LRRN3: variants seen among roughly 807,000 people sequenced by gnomAD.
The protein encoded by LRRN3 is leucine rich repeat neuronal 3.
Under a neutral mutation model 40.1 loss-of-function variants are expected in LRRN3, and 15 were observed. The observed-to-expected ratio is 0.37, with a 90% CI of 0.25 to 0.58. The LOEUF (loss-of-function observed/expected upper bound fraction) is 0.58. LRRN3 is among the 20% of genes least tolerant of loss of function. The pLI, the probability that LRRN3 is intolerant of heterozygous loss-of-function variation, is 0.72. For missense variants in LRRN3, 746 were observed against 837.7 expected (o/e 0.89, Z 1.35); for synonymous variants, 308 against 297.2 (o/e 1.04, Z -0.37).
chr7:111,123,661 C>T lies in LRRN3; in HGVS notation c.889C>T (p.Leu297=). 5.6e-6 allele frequency: 9 copies of T among 1,613,892 alleles called. No homozygotes were observed. The highest frequency in any genetic ancestry group is 6.8e-6 in the Non-Finnish European group (8 of 1,179,938). ...KELGINNMPE[L]ISIDSLAVDN... is the part of the protein sequence containing the mutation. ...GTTGGGGATAAATAATATGCCTGAG[C>T]TGATTTCCATCGATAGTCTTGCTGT... The change falls in exon 3 of 3, where the codon CTG becomes TTG. Residue 297 remains leucine, a synonymous_variant. Coordinates refer to ENST00000308478, the MANE Select transcript of LRRN3 (RefSeq NM_001099658.2). The surrounding 1 kb of genome is among the most constrained non-coding windows in gnomAD (Gnocchi z 6.4).
chr7:111,114,881 G>A (rs1222603534), intron 2 of LRRN3, among the ~76,000 whole-genome samples: 6 of 152,152 alleles, frequency 3.9e-5, no homozygotes, highest in Non-Finnish European at 2.9e-5. Flanking sequence ...TAAAGGTCAC[G>A]AGGTCTCCTC....
At position 111,124,929 on chromosome 7, in the gene LRRN3, GA is replaced by G; in HGVS notation, c.*32del. ...CACCAAGGAAACCTACTCCAAAAAT[GA>G]ACAAAAAAAAAAAAAGCGAAAGACT... On this transcript the variant is annotated 3_prime_UTR_variant, in exon 3 of 3. Coordinates refer to ENST00000308478, the MANE Select transcript of LRRN3 (RefSeq NM_001099658.2). 1 of 1,008,838 alleles carries G rather than the reference GA, an allele frequency of 9.9e-7. No individual in the cohort carries two copies. The highest frequency in any genetic ancestry group is 1.3e-6 in the Non-Finnish European group (1 of 777,540). 62.5% of individuals were successfully genotyped at this position (1,008,838 alleles called of 1,614,324 possible).
At chr7:111,102,599 A>C (rs1798091245) in intron 2 of LRRN3, among the ~76,000 whole-genome samples, 2 of 151,638 alleles carry the variant, frequency 1.3e-5, no homozygotes, top group African/African-American at 4.8e-5. Context: ...AGTCAAATAA[A>C]AGAGAGAGAG....
rs1241799977 is a variant in LRRN3 at position 111,091,384 on chromosome 7, C to A, written c.-561C>A. On this transcript the variant is annotated 5_prime_UTR_variant, in exon 1 of 3. Transcript: ENST00000308478. Reference sequence around the variant, plus strand: ...TTTTGTACACTTTGTTACACAGACACACAAATGCACCTATTTATACCGGGC... The same window carrying A: ...TTTTGTACACTTTGTTACACAGACAAACAAATGCACCTATTTATACCGGGC... 1 of 152,150 alleles carries A rather than the reference C, an allele frequency of 6.6e-6. No individual in the cohort carries two copies. The highest frequency in any genetic ancestry group is 6.6e-5 in the Admixed American group (1 of 15,266). 9.4% of individuals were successfully genotyped at this position (152,150 alleles called of 1,614,324 possible).
chr7:111,099,037 T>A (rs1797692927), intron 1 of LRRN3, among the ~76,000 whole-genome samples: 1 of 151,734 alleles, frequency 6.6e-6, no homozygotes, highest in Admixed American at 6.6e-5. Flanking sequence ...TGAGTTTTGC[T>A]ATCCACTAGA....
chr7:111,116,234 T>G (rs1203137400), intron 2 of LRRN3, among the ~76,000 whole-genome samples: 2 of 152,192 alleles, frequency 1.3e-5, no homozygotes, highest in Admixed American at 6.5e-5. Flanking sequence ...GATTTGTTTA[T>G]GATCTGCATT....
chr7:111,098,531 C>G (rs997775721), intron 1 of LRRN3, among the ~76,000 whole-genome samples: 1 of 151,694 alleles, frequency 6.6e-6, no homozygotes, highest in Admixed American at 6.6e-5. Flanking sequence ...AGCCCTTATA[C>G]GTTCAAACCA....
chr7:111,103,723 G>A (rs1035242279), intron 2 of LRRN3, among the ~76,000 whole-genome samples: 1 of 151,660 alleles, frequency 6.6e-6, no homozygotes, highest in Non-Finnish European at 1.5e-5. Flanking sequence ...CTCTGTATGT[G>A]TCGGGTGCAG....
chr7:111,124,488 A>T lies in LRRN3; in HGVS notation c.1716A>T (p.Pro572=). The T allele has an allele frequency of 2.5e-6, 4 of 1,613,996 alleles. No individual in the cohort carries two copies. Among genetic ancestry groups the T allele is most frequent in the Non-Finnish European group, 3.4e-6 (4 of 1,179,984 alleles). ...ATGCTGCGCAAAGTGCTCGAATACC[A>T]TCTGATGTCAAGGTATATAATCTTA... ...NSHAAQSARI[P]SDVKVYNLTH... is the part of the protein sequence containing the mutation. Residue 572 remains proline (P), a synonymous_variant, in exon 3 of 3, where the codon CCA becomes CCT. Coordinates refer to ENST00000308478, the MANE Select transcript of LRRN3 (RefSeq NM_001099658.2).
At chr7:111,118,986 A>G (rs1800243346) in intron 2 of LRRN3, among the ~76,000 whole-genome samples, 1 of 152,188 alleles carries the variant, frequency 6.6e-6, no homozygotes, top group African/African-American at 2.4e-5. Context: ...AAACACAAAT[A>G]TAAATTTTAA....
intron 2 of LRRN3, among the ~76,000 whole-genome samples, chr7:111,120,918 A>G (rs1053831030): frequency 6.6e-6 from 1 of 151,076 alleles, no homozygotes; most frequent in South Asian, 2.1e-4. Context: ...TTGGCCTTTT[A>G]TGTTGCCTCT....
intron 1 of LRRN3, among the ~76,000 whole-genome samples, chr7:111,098,920 C>G (rs978615923): frequency 1.3e-5 from 2 of 151,738 alleles, no homozygotes; most frequent in Admixed American, 6.6e-5. Context: ...TACAGTAACT[C>G]TGTTTCTAGT....
At chr7:111,094,002 C>A (rs1467163091) in intron 1 of LRRN3, among the ~76,000 whole-genome samples, 1 of 152,080 alleles carries the variant, frequency 6.6e-6, no homozygotes, top group Admixed American at 6.6e-5. Flanking sequence ...GCCTTCCAGG[C>A]CAGCAATTTA....
At chr7:111,106,059 T>A (rs896523570) in intron 2 of LRRN3, among the ~76,000 whole-genome samples, 1 of 151,940 alleles carries the variant, frequency 6.6e-6, no homozygotes, top group East Asian at 1.9e-4. Context: ...AATATCACAG[T>A]AACACATAAC....
chr7:111,117,482 A>C (rs139701704), intron 2 of LRRN3, among the ~76,000 whole-genome samples: 2,230 of 152,216 alleles, frequency 0.015, 65 homozygotes, highest in African/African-American at 0.051. Flanking sequence ...TCAGTTTTTA[A>C]GGATAGCATT....
intron 2 of LRRN3, among the ~76,000 whole-genome samples, chr7:111,116,314 TA>T (rs1337627890): frequency 6.6e-6 from 1 of 152,262 alleles, no homozygotes; most frequent in East Asian, 1.9e-4. Context: ...CCCCTCCTTT[TA>T]AAAAAATCTA....
intron 2 of LRRN3, among the ~76,000 whole-genome samples, chr7:111,102,729 T>C (rs1226531752): frequency 1.3e-5 from 2 of 151,586 alleles, no homozygotes; most frequent in African/African-American, 4.8e-5. Context: ...CTTCGTGCTA[T>C]TCTATTAGAA....
intron 2 of LRRN3, among the ~76,000 whole-genome samples, chr7:111,115,422 T>TA (rs1799760286): frequency 6.6e-6 from 1 of 152,014 alleles, no homozygotes; most frequent in African/African-American, 2.4e-5. Flanking sequence ...AGAATTTTCA[T>TA]AAAAAATGAC....
Position 111,095,138 on chromosome 7 carries a change from C to T in LRRN3, c.-441+3634C>T, listed in dbSNP as rs184085815. Among the ~76,000 whole-genome samples, 4 of 151,814 alleles carry T rather than the reference C, an allele frequency of 2.6e-5. 1 individual carries two copies. Among genetic ancestry groups the T allele is most frequent in the East Asian group, 1.9e-4 (1 of 5,164 alleles). ...AAACACATGACACAGCTTCAGGAGA[C>T]GGGGAATAAAGAGGGGAGACATGCT... On this transcript the variant is annotated intron_variant, in intron 1 of 2. Coordinates refer to ENST00000308478, the MANE Select transcript of LRRN3 (RefSeq NM_001099658.2).
Sources: gnomAD v4.1 joint callset for allele counts (sites outside exome capture counted in the v4.1 genomes callset) on GRCh38, gnomAD v4.1.1 for gene constraint, Gnocchi (gnomAD v3.1) non-coding constraint, MANE v1.5 for transcripts, NCBI Gene and HGNC (gene_info 2026-07-23, HGNC 2026-07-21) for gene names.